The following LEKR1 variants were observed in gnomAD, a reference collection of about 807,000 sequenced individuals.
LEKR1 encodes the protein leucine, glutamate and lysine rich 1.
In LEKR1, 59 loss-of-function variants were observed where a neutral mutation model predicts 72.4. The ratio of observed to expected loss-of-function variants is 0.82; its 90% confidence interval spans 0.66 to 1.01. The LOEUF (loss-of-function observed/expected upper bound fraction) is 1.01, where lower values mean the gene tolerates loss of function less well. LEKR1 is among the 50% of genes least tolerant of loss of function. The pLI, the probability that LEKR1 is intolerant of heterozygous loss-of-function variation, is 0.00. For missense variants in LEKR1, 728 were observed against 759.2 expected (o/e 0.96, Z 0.48); for synonymous variants, 257 against 263.2 (o/e 0.98, Z 0.23).
At chr3:156,990,355 A>G (rs1214402210) in intron 7 of LEKR1, among the ~76,000 whole-genome samples, 1 of 152,102 alleles carries the variant, frequency 6.6e-6, no homozygotes, top group East Asian at 1.9e-4. Context: ...ATGTTGCTCA[A>G]TTTTTCTGCA....
chr3:157,033,073 G>A (rs1734732867), intron 12 of LEKR1, among the ~76,000 whole-genome samples: 1 of 152,164 alleles, frequency 6.6e-6, no homozygotes, highest in South Asian at 2.1e-4. Context: ...TAAATGTTGT[G>A]TGTGTTCGGA....
chr3:156,922,694 G>A (rs1253005851), intron 4 of LEKR1, among the ~76,000 whole-genome samples: 1 of 152,122 alleles, frequency 6.6e-6, no homozygotes, highest in African/African-American at 2.4e-5. Flanking sequence ...GGTTGGCTCA[G>A]CACATCTGCT....
intron 6 of LEKR1, 56 bp downstream of exon 6, chr3:156,942,770 A>C: frequency 1.3e-6 from 1 of 762,888 alleles, no homozygotes; most frequent in Non-Finnish European, 1.8e-6. Context: ...ACATGAATAA[A>C]TGTTTACATT....
At chr3:157,038,399 T>C (rs893651448) in intron 12 of LEKR1, among the ~76,000 whole-genome samples, 4 of 152,160 alleles carry the variant, frequency 2.6e-5, no homozygotes, top group Admixed American at 1.3e-4. Flanking sequence ...GCCTGTTAGA[T>C]ACCCAAGTGG....
intron 10 of LEKR1, among the ~76,000 whole-genome samples, chr3:157,013,973 T>A (rs1176993864): frequency 6.6e-6 from 1 of 152,126 alleles, no homozygotes; most frequent in Non-Finnish European, 1.5e-5. Flanking sequence ...CAATAGTTGC[T>A]ATGCAACAAG....
intron 2 of LEKR1, among the ~76,000 whole-genome samples, chr3:156,849,856 T>G (rs1715122314): frequency 6.6e-6 from 1 of 152,132 alleles, no homozygotes; most frequent in South Asian, 2.1e-4. Context: ...GGGCAAGGAC[T>G]TCATGTCTAA....
intron 12 of LEKR1, among the ~76,000 whole-genome samples, chr3:157,043,589 T>A (rs1046335706): frequency 6.6e-6 from 1 of 152,110 alleles, no homozygotes; most frequent in African/African-American, 2.4e-5. Context: ...CAGAGTGGAG[T>A]TACTCTCAGC....
intron 2 of LEKR1, among the ~76,000 whole-genome samples, chr3:156,832,747 T>C (rs1712587739): frequency 6.6e-6 from 1 of 152,136 alleles, no homozygotes; most frequent in Non-Finnish European, 1.5e-5. Flanking sequence ...TACTACGGGT[T>C]AGGAGCCCTG....
chr3:156,902,085 A>T (rs1369306777), intron 3 of LEKR1, among the ~76,000 whole-genome samples: 1 of 152,172 alleles, frequency 6.6e-6, no homozygotes, highest in Admixed American at 6.6e-5. Flanking sequence ...AAAACAACAA[A>T]TGTAATCTAG....
At chr3:156,934,063 A>G (rs190399629) in intron 5 of LEKR1, among the ~76,000 whole-genome samples, 1 of 152,354 alleles carries the variant, frequency 6.6e-6, no homozygotes, top group East Asian at 1.9e-4. Context: ...CCTCAGAAAC[A>G]TCTTTGCTGA....
chr3:157,036,764 T>C (rs1476494792), intron 12 of LEKR1, among the ~76,000 whole-genome samples: 1 of 152,156 alleles, frequency 6.6e-6, no homozygotes, highest in Non-Finnish European at 1.5e-5. Flanking sequence ...TCTTAGAATG[T>C]TGAGCAGAAG....
chr3:156,827,474 T>C (rs1006922007), intron 1 of LEKR1, among the ~76,000 whole-genome samples: 4 of 152,190 alleles, frequency 2.6e-5, no homozygotes, highest in Non-Finnish European at 5.9e-5. Context: ...AAAGAATGTA[T>C]AGAACACTAT....
Position 156,902,693 on chromosome 3 carries a change from T to C in LEKR1, c.264-17882T>C, listed in dbSNP as rs908461951. Among the ~76,000 whole-genome samples, 2 of 133,142 alleles carry C rather than the reference T, an allele frequency of 1.5e-5. 1 individual carries two copies. Among genetic ancestry groups the C allele is most frequent in the Admixed American group, 1.4e-4 (2 of 14,582 alleles). 87.3% of individuals were successfully genotyped at this position (133,142 alleles called of 152,430 possible). ...TTCCTATATTTGGAGAACAACTTTT[T>C]TCCTTCACTTAAGGTGAGTTCCTGG... is the stretch of plus-strand genomic sequence containing the variant. On this transcript the variant is annotated intron_variant, in intron 3 of 12. Coordinates refer to ENST00000356539, the MANE Select transcript of LEKR1 (RefSeq NM_001004316.3).
chr3:156,958,276 A>G (rs1477570154), intron 6 of LEKR1, among the ~76,000 whole-genome samples: 1 of 152,122 alleles, frequency 6.6e-6, no homozygotes, highest in African/African-American at 2.4e-5. Context: ...TGCTTTATCC[A>G]CAGATATCTT....
At chr3:156,941,097 G>C (rs1209981373) in intron 5 of LEKR1, among the ~76,000 whole-genome samples, 1 of 151,552 alleles carries the variant, frequency 6.6e-6, no homozygotes, top group Non-Finnish European at 1.5e-5. Context: ...ACACAAATTG[G>C]GGCATAGTCA....
intron 3 of LEKR1, among the ~76,000 whole-genome samples, chr3:156,876,580 G>T (rs1718608720): frequency 6.6e-6 from 1 of 152,002 alleles, no homozygotes; most frequent in Non-Finnish European, 1.5e-5. Context: ...TTCTTTTGTG[G>T]CTGTTGTAAA....
intron 12 of LEKR1, among the ~76,000 whole-genome samples, chr3:157,036,952 G>T (rs757691449): frequency 3.3e-5 from 5 of 152,162 alleles, no homozygotes; most frequent in Non-Finnish European, 7.4e-5. Flanking sequence ...TGGAAGCTAT[G>T]CAAGGAAGAA....
intron 2 of LEKR1, among the ~76,000 whole-genome samples, chr3:156,835,515 G>A (rs138201783): frequency 2.6e-5 from 4 of 152,342 alleles, no homozygotes; most frequent in Non-Finnish European, 5.9e-5. Flanking sequence ...GTGATTTTAT[G>A]GTGTATCTCA....
At chr3:156,934,818 C>A (rs180787199) in intron 5 of LEKR1, among the ~76,000 whole-genome samples, 1 of 151,520 alleles carries the variant, frequency 6.6e-6, no homozygotes, top group Admixed American at 6.6e-5. Context: ...TATATATATA[C>A]ATACATATAC....
Sources: allele counts gnomAD v4.1 joint callset (sites outside exome capture counted in the v4.1 genomes callset), GRCh38; gene constraint gnomAD v4.1.1; transcripts MANE v1.5; gene names NCBI Gene and HGNC (gene_info 2026-07-23, HGNC 2026-07-21).